The following USP4 variants were observed in gnomAD, a reference collection of about 807,000 sequenced individuals.
The protein encoded by USP4 is ubiquitin specific peptidase 4, also known as ubiquitin carboxyl-terminal hydrolase 4.
In USP4, 72 loss-of-function variants were observed where a neutral mutation model predicts 118.2. The ratio of observed to expected loss-of-function variants is 0.61; its 90% CI spans 0.50 to 0.74. The LOEUF (loss-of-function observed/expected upper bound fraction) is 0.74. USP4 is among the 30% of genes least tolerant of loss of function. The probability of loss-of-function intolerance (pLI) is 0.00; values close to 1 mark genes in which losing one functional copy is unlikely to be tolerated. For missense variants in USP4, 1,037 were observed against 1,185.7 expected (o/e 0.87, Z 1.84); for synonymous variants, 415 against 440.4 (o/e 0.94, Z 0.72).
intron 19 of USP4, among the ~76,000 whole-genome samples, chr3:49,283,267 G>A (rs2047058302): frequency 1.3e-5 from 2 of 151,848 alleles, no homozygotes; most frequent in Non-Finnish European, 2.9e-5. Context: ...GCCCACCTTG[G>A]CCTCCCAAAG....
chr3:49,328,905 C>A (rs976616364), intron 2 of USP4, among the ~76,000 whole-genome samples: 1 of 151,432 alleles, frequency 6.6e-6, no homozygotes, highest in African/African-American at 2.4e-5. Context: ...ATAGGCCAGG[C>A]GCAGTGGCTC....
At chr3:49,285,641 C>G (rs1274686322) in intron 16 of USP4, among the ~76,000 whole-genome samples, 1 of 152,152 alleles carries the variant, frequency 6.6e-6, no homozygotes, top group Non-Finnish European at 1.5e-5. Context: ...CACAACCCCT[C>G]AGAATGCCTC....
chr3:49,315,755 G>T (rs551387348), intron 6 of USP4, among the ~76,000 whole-genome samples: 2 of 152,104 alleles, frequency 1.3e-5, no homozygotes, highest in African/African-American at 4.8e-5. Context: ...CTGATACCAT[G>T]GTGGGACCCT....
chr3:49,284,933 A>C lies in USP4; in HGVS notation c.2201-14T>G, dbSNP rs1031546943. 1 of 1,515,906 alleles carries C rather than the reference A, an allele frequency of 6.6e-7. No individual in the cohort carries two copies. The highest frequency in any genetic ancestry group is 1.9e-5 in the African/African-American group (1 of 51,284). 93.9% of individuals were successfully genotyped at this position (1,515,906 alleles called of 1,614,324 possible). A position where few individuals can be genotyped will look rare whatever the true frequency, so the allele number is the denominator to read the frequency against. ...GTGTAGATCGAGCTGAGGAGGACCA[A>C]AATGTCACTTGTTATGGAATGGCAA... is the stretch of plus-strand genomic sequence containing the variant. On this transcript the variant is annotated splice_polypyrimidine_tract_variant and intron_variant, in intron 16 of 21. Transcript: ENST00000265560.
At chr3:49,327,923 A>G (rs2047574106) in intron 2 of USP4, 107 bp from the exon 3 acceptor site, 1 of 1,189,448 alleles carries the variant, frequency 8.4e-7, no homozygotes, top group Non-Finnish European at 1.2e-6. Flanking sequence ...TTACAGAAAG[A>G]AACAGGAATG....
intron 6 of USP4, among the ~76,000 whole-genome samples, chr3:49,323,916 C>T (rs149698016): frequency 6.1e-4 from 93 of 152,276 alleles, no homozygotes; most frequent in Middle Eastern, 3.4e-3. Context: ...TGTAGCTGAA[C>T]AATTCACCCA....
At chr3:49,295,220 C>T (rs932835902) in intron 13 of USP4, among the ~76,000 whole-genome samples, 36 of 127,820 alleles carry the variant, frequency 2.8e-4, no homozygotes, top group African/African-American at 1.0e-3. Context: ...ACCCAGGAGG[C>T]GGAGCTTGTA....
chr3:49,321,041 A>G (rs1015583359), intron 6 of USP4, among the ~76,000 whole-genome samples: 4 of 152,160 alleles, frequency 2.6e-5, no homozygotes, highest in African/African-American at 9.7e-5. Flanking sequence ...GAAATGTCCT[A>G]AAAAGGAAGG....
intron 9 of USP4, among the ~76,000 whole-genome samples, chr3:49,304,531 G>C (rs995597173): frequency 3.9e-5 from 6 of 152,148 alleles, no homozygotes; most frequent in African/African-American, 1.4e-4. Context: ...AAACCACGAA[G>C]CCTGTAGAAT....
chr3:49,334,706 G>A (rs1215578237), intron 2 of USP4, among the ~76,000 whole-genome samples: 2 of 152,046 alleles, frequency 1.3e-5, no homozygotes, highest in South Asian at 2.1e-4. Flanking sequence ...TGGTAGAGAC[G>A]GGGTTTCACC....
chr3:49,309,749 C>T (rs2047362262), intron 8 of USP4, among the ~76,000 whole-genome samples: 1 of 150,130 alleles, frequency 6.7e-6, no homozygotes, highest in African/African-American at 2.4e-5. Flanking sequence ...GCCTCAGCCT[C>T]CCAAGAAGCT....
chr3:49,329,437 A>G (rs1312639970), intron 2 of USP4, among the ~76,000 whole-genome samples: 5 of 151,842 alleles, frequency 3.3e-5, no homozygotes, highest in Admixed American at 1.3e-4. Flanking sequence ...GCCTTACTCT[A>G]TCACCCAGGC....
chr3:49,283,002 C>G (rs563252652), intron 19 of USP4, among the ~76,000 whole-genome samples: 1 of 141,730 alleles, frequency 7.1e-6, no homozygotes, highest in Non-Finnish European at 1.5e-5. Context: ...GCCACTGTGC[C>G]GGCCTCTTTT....
intron 1 of USP4, among the ~76,000 whole-genome samples, chr3:49,337,848 C>A (rs770923647): frequency 6.6e-6 from 1 of 151,140 alleles, no homozygotes; most frequent in Non-Finnish European, 1.5e-5. Flanking sequence ...GAGATCGAGA[C>A]CATCCTGGCC....
In USP4 at chr3:49,278,341, A is replaced by T; in HGVS notation, c.2844T>A (p.Ser948=). ...SSDGGTRPSS[S]QQGFGDDEAC... is the part of the protein sequence containing the mutation. ...CCTCATCATCCCCAAAGCCCTGCTG[A>T]GAGCTGCTTGGTCGTGTCCCTCCAT... is the stretch of plus-strand genomic sequence containing the variant. The change falls in exon 22 of 22, where the codon TCT becomes TCA. Residue 948 remains serine (S), a synonymous_variant. Transcript: ENST00000265560. 1 of 1,614,128 alleles carries T rather than the reference A, an allele frequency of 6.2e-7. No individual in the cohort carries two copies. The highest frequency in any genetic ancestry group is 2.2e-5 in the East Asian group (1 of 44,884).
At chr3:49,317,795 G>A (rs1362615607) in intron 6 of USP4, among the ~76,000 whole-genome samples, 15 of 150,292 alleles carry the variant, frequency 1.0e-4, no homozygotes, top group African/African-American at 3.2e-4. Context: ...CTCGTGATCC[G>A]CCCGCCTCGG....
chr3:49,328,512 C>T (rs1249214233), intron 2 of USP4, among the ~76,000 whole-genome samples: 1 of 152,108 alleles, frequency 6.6e-6, no homozygotes, highest in African/African-American at 2.4e-5. Flanking sequence ...AAACCATTTT[C>T]TTTGCTCACC....
At chr3:49,312,438 C>T (rs542166045) in intron 6 of USP4, 56 of 452,346 alleles carry the variant, frequency 1.2e-4, no homozygotes, top group Non-Finnish European at 1.7e-4. Flanking sequence ...ACTGCACCAC[C>T]GCACTCCAGC....
At chr3:49,284,260 A>G in intron 18 of USP4, 124 bp from the exon 19 acceptor site, 1 of 1,342,632 alleles carries the variant, frequency 7.4e-7, no homozygotes, top group Non-Finnish European at 1.0e-6. Context: ...ACTCAACACT[A>G]CTGCTTCTGG....
Sources: gnomAD v4.1 joint callset for allele counts (sites outside exome capture counted in the v4.1 genomes callset) on GRCh38, gnomAD v4.1.1 for gene constraint, MANE v1.5 for transcripts, NCBI Gene and HGNC (gene_info 2026-07-23, HGNC 2026-07-21) for gene names.